The following IPCEF1 variants were observed in gnomAD, a reference collection of about 807,000 sequenced individuals.
The protein encoded by IPCEF1 is interaction protein for cytohesin exchange factors 1.
A neutral mutation model predicts 50.9 loss-of-function variants in IPCEF1; 31 were observed. That is an observed-to-expected ratio of 0.61 (90% CI 0.46 to 0.82). The LOEUF is 0.82. Among genes scored for constraint, IPCEF1 ranks in the 40% least tolerant of loss-of-function variants. The pLI, the probability that IPCEF1 is intolerant of heterozygous loss-of-function variation, is 0.00. For missense variants in IPCEF1, 458 were observed against 514.0 expected (o/e 0.89, Z 1.05); for synonymous variants, 181 against 192.0 (o/e 0.94, Z 0.47).
At chr6:154,301,781 A>G (rs1391077683) in intron 1 of IPCEF1, among the ~76,000 whole-genome samples, 1 of 152,200 alleles carries the variant, frequency 6.6e-6, no homozygotes, top group Non-Finnish European at 1.5e-5. Flanking sequence ...TCACTAATCC[A>G]CATTTTAAGA....
At chr6:154,291,396 TTTC>T (rs1285685160) in intron 1 of IPCEF1, among the ~76,000 whole-genome samples, 1 of 152,212 alleles carries the variant, frequency 6.6e-6, no homozygotes, top group Non-Finnish European at 1.5e-5. Flanking sequence ...CTTGGATTTT[TTTC>T]TTTTTAAATT....
At chr6:154,321,179 T>A (rs1394484015) in intron 1 of IPCEF1, among the ~76,000 whole-genome samples, 1 of 151,926 alleles carries the variant, frequency 6.6e-6, no homozygotes, top group African/African-American at 2.4e-5. Context: ...AATCCTCCCA[T>A]CTCAACCTCC....
intron 1 of IPCEF1, among the ~76,000 whole-genome samples, chr6:154,355,260 T>G (rs1231669123): frequency 1.3e-5 from 2 of 152,174 alleles, no homozygotes; most frequent in Non-Finnish European, 2.9e-5. Flanking sequence ...ATTTCCATAC[T>G]CTGATGATGT....
chr6:154,184,301 T>A (rs973215598), intron 10 of IPCEF1, among the ~76,000 whole-genome samples: 1 of 152,038 alleles, frequency 6.6e-6, no homozygotes, highest in African/African-American at 2.4e-5. Context: ...AATAAAAAAT[T>A]GGAAATCACC....
chr6:154,335,387 G>A (rs904339203), intron 1 of IPCEF1, among the ~76,000 whole-genome samples: 9 of 152,186 alleles, frequency 5.9e-5, no homozygotes, highest in African/African-American at 1.7e-4. Flanking sequence ...TTGTGTACAC[G>A]TTAATAAAAT....
At chr6:154,324,580 G>A (rs956439344) in intron 1 of IPCEF1, among the ~76,000 whole-genome samples, 3 of 152,104 alleles carry the variant, frequency 2.0e-5, no homozygotes, top group African/African-American at 7.2e-5. Flanking sequence ...GGCCAAGGCG[G>A]GCAGATCACC....
At chr6:154,206,993 G>A (rs1192741771) in intron 9 of IPCEF1, among the ~76,000 whole-genome samples, 1 of 152,254 alleles carries the variant, frequency 6.6e-6, no homozygotes. Context: ...GGAAGCTTTT[G>A]TGCAGGTGAA....
At chr6:154,240,775 C>T (rs1780514756) in intron 5 of IPCEF1, among the ~76,000 whole-genome samples, 1 of 152,224 alleles carries the variant, frequency 6.6e-6, no homozygotes, top group Non-Finnish European at 1.5e-5. Context: ...CAGACAGTTA[C>T]TTCAATCCCC....
At chr6:154,310,530 T>A (rs1186247975) in intron 1 of IPCEF1, among the ~76,000 whole-genome samples, 1 of 152,190 alleles carries the variant, frequency 6.6e-6, no homozygotes, top group Non-Finnish European at 1.5e-5. Context: ...GCAATCCGTA[T>A]TCTGGGTGTA....
chr6:154,348,667 T>C (rs1426072597), intron 1 of IPCEF1, among the ~76,000 whole-genome samples: 1 of 152,242 alleles, frequency 6.6e-6, no homozygotes, highest in Admixed American at 6.5e-5. Context: ...TTGGGATTTG[T>C]GCCTTAACAA....
intron 1 of IPCEF1, among the ~76,000 whole-genome samples, chr6:154,338,305 A>T (rs1361494116): frequency 6.6e-6 from 1 of 152,232 alleles, no homozygotes; most frequent in East Asian, 1.9e-4. Context: ...CTTTAGCTAG[A>T]AGAAATTTTG....
chr6:154,200,161 A>T, intron 9 of IPCEF1, 121 bp from the exon 10 acceptor site: 2 of 837,808 alleles, frequency 2.4e-6, no homozygotes, highest in Non-Finnish European at 3.6e-6. Flanking sequence ...CCAATAATAA[A>T]AGAGTCAAAA....
intron 2 of IPCEF1, among the ~76,000 whole-genome samples, chr6:154,279,787 A>G (rs918619555): frequency 6.6e-6 from 1 of 152,254 alleles, no homozygotes; most frequent in Non-Finnish European, 1.5e-5. Context: ...CCATGCATCC[A>G]GAATCTATAA....
At chr6:154,247,161 T>C (rs1484516657) in intron 4 of IPCEF1, 1 of 441,498 alleles carries the variant, frequency 2.3e-6, no homozygotes, top group Non-Finnish European at 4.1e-6. Context: ...GCCGTAGTTA[T>C]GCAATAGATG....
chr6:154,287,160 C>CCTCTCTCTCT (rs10563787), intron 2 of IPCEF1, among the ~76,000 whole-genome samples: 5 of 148,416 alleles, frequency 3.4e-5, no homozygotes, highest in African/African-American at 1.2e-4. Context: ...CCCTTCTCTC[C>CCTCTCTCTCT]CTCTCTCTCT....
intron 1 of IPCEF1, among the ~76,000 whole-genome samples, chr6:154,335,030 A>T (rs1455899117): frequency 6.6e-6 from 1 of 152,018 alleles, no homozygotes; most frequent in African/African-American, 2.4e-5. Context: ...ATATAACCAC[A>T]CCTAAACAGA....
chr6:154,318,303 A>G (rs1290457544), intron 1 of IPCEF1, among the ~76,000 whole-genome samples: 5 of 152,184 alleles, frequency 3.3e-5, no homozygotes. Flanking sequence ...CTGCAGCACT[A>G]ATGACCTGTG....
At chr6:154,298,660 T>C (rs1782720251) in intron 1 of IPCEF1, among the ~76,000 whole-genome samples, 1 of 152,146 alleles carries the variant, frequency 6.6e-6, no homozygotes, top group Admixed American at 6.6e-5. Flanking sequence ...TGAGTAACTC[T>C]TATATAGGTT....
chr6:154,281,302 G>A (rs539776215), intron 2 of IPCEF1, among the ~76,000 whole-genome samples: 25 of 151,104 alleles, frequency 1.7e-4, no homozygotes, highest in South Asian at 6.3e-4. Context: ...GCAGTGAGGC[G>A]AGATAGCGCC....
Sources: allele counts gnomAD v4.1 joint callset (sites outside exome capture counted in the v4.1 genomes callset), GRCh38; gene constraint gnomAD v4.1.1; transcripts MANE v1.5; gene names NCBI Gene and HGNC (gene_info 2026-07-23, HGNC 2026-07-21).